The following RAB38 variants were observed in gnomAD, a reference collection of about 807,000 sequenced individuals.
RAB38 encodes ras-related protein Rab-38.
RAB38 carries 15 observed loss-of-function variants against 18.4 expected under a neutral mutation model. That is an observed-to-expected ratio of 0.82 (90% confidence interval 0.55 to 1.26). The LOEUF is 1.26. Among genes scored for constraint, RAB38 ranks in the 50% most tolerant of loss-of-function variants. The probability of loss-of-function intolerance (pLI) is 0.00; values close to 1 mark genes in which losing one functional copy is unlikely to be tolerated. For synonymous variants in RAB38, 101 were observed against 104.4 expected (o/e 0.97, Z 0.20); for missense variants, 294 against 267.4 (o/e 1.10, Z -0.69).
the RAB38 span, among the ~76,000 whole-genome samples, chr11:88,027,544 T>G: frequency 6.6e-6 from 1 of 152,172 alleles, no homozygotes; most frequent in Non-Finnish European, 1.5e-5. Context: ...CTGACGGCCT[T>G]AAAAAACGGC....
intron 2 of RAB38, among the ~76,000 whole-genome samples, chr11:88,126,857 G>A (rs1471815968): frequency 6.6e-6 from 1 of 152,200 alleles, no homozygotes; most frequent in Middle Eastern, 3.2e-3. Context: ...TTGAGGATGT[G>A]TATAAAGTGA....
chr11:88,035,644 A>T, the RAB38 span, among the ~76,000 whole-genome samples: 1 of 152,224 alleles, frequency 6.6e-6, no homozygotes, highest in Non-Finnish European at 1.5e-5. Flanking sequence ...TCTAAGTGAC[A>T]TTAGACATTT....
the RAB38 span, among the ~76,000 whole-genome samples, chr11:87,960,858 T>C: frequency 6.6e-6 from 1 of 152,200 alleles, no homozygotes; most frequent in Non-Finnish European, 1.5e-5. Context: ...TGCCCATTTG[T>C]AGCATAGTAA....
chr11:87,890,634 C>T, the RAB38 span, among the ~76,000 whole-genome samples: 1 of 151,920 alleles, frequency 6.6e-6, no homozygotes, highest in Admixed American at 6.6e-5. Context: ...CCATAACTGA[C>T]TTCAAACAGG....
chr11:87,858,993 A>G, the RAB38 span, among the ~76,000 whole-genome samples: 1 of 151,810 alleles, frequency 6.6e-6, no homozygotes, highest in Admixed American at 6.6e-5. Context: ...CAACAGACTT[A>G]GAATAAATAA....
chr11:88,155,704 G>C (rs1259107300), intron 1 of RAB38, among the ~76,000 whole-genome samples: 1 of 152,132 alleles, frequency 6.6e-6, no homozygotes, highest in Admixed American at 6.6e-5. Context: ...TAGAAACTCA[G>C]AAGTGACAGA....
At chr11:88,174,512 A>T (rs1943352017) in intron 1 of RAB38, among the ~76,000 whole-genome samples, 1 of 151,738 alleles carries the variant, frequency 6.6e-6, no homozygotes, top group Non-Finnish European at 1.5e-5. Context: ...CCTCCTTTTC[A>T]TAGAAGACAG....
chr11:88,139,054 G>A (rs1335850644), intron 2 of RAB38, among the ~76,000 whole-genome samples: 1 of 152,114 alleles, frequency 6.6e-6, no homozygotes, highest in African/African-American at 2.4e-5. Flanking sequence ...AAAGTGCTGG[G>A]ATAACAGGTG....
the RAB38 span, among the ~76,000 whole-genome samples, chr11:88,072,143 C>A: frequency 1.3e-5 from 2 of 152,074 alleles, no homozygotes; most frequent in African/African-American, 4.8e-5. Flanking sequence ...GCTGGAAATA[C>A]CAGACAGTGA....
the RAB38 span, among the ~76,000 whole-genome samples, chr11:88,011,778 G>A: frequency 7.2e-5 from 11 of 152,222 alleles, no homozygotes; most frequent in Admixed American, 2.6e-4. Context: ...GAAAATTAAG[G>A]TTCAGTGGGG....
chr11:87,904,203 A>G, the RAB38 span, among the ~76,000 whole-genome samples: 68 of 151,780 alleles, frequency 4.5e-4, no homozygotes, highest in Admixed American at 2.2e-3. Flanking sequence ...TCACCCAGTC[A>G]CTAAGCATAG....
At chr11:87,846,927 T>C in the RAB38 span, among the ~76,000 whole-genome samples, 1 of 152,044 alleles carries the variant, frequency 6.6e-6, no homozygotes, top group African/African-American at 2.4e-5. Context: ...CATAAATAAT[T>C]CATGGGTCAA....
chr11:87,930,669 G>C, the RAB38 span, among the ~76,000 whole-genome samples: 2 of 152,086 alleles, frequency 1.3e-5, no homozygotes, highest in Non-Finnish European at 2.9e-5. Flanking sequence ...GTATTGCCTA[G>C]GTTTTCTTCT....
At chr11:88,082,797 CT>C in the RAB38 span, among the ~76,000 whole-genome samples, 1 of 151,838 alleles carries the variant, frequency 6.6e-6, no homozygotes, top group East Asian at 1.9e-4. Context: ...TGCTTCTTTC[CT>C]TATCCTCTCC....
rs551001452 is a variant in RAB38 at position 88,115,713 on chromosome 11, T to C, written c.484-1573A>G. 5 of 152,308 alleles carry C rather than the reference T, an allele frequency of 3.3e-5. No homozygotes were observed. In the East Asian group the frequency reaches 9.6e-4, roughly 29 times the overall value. 9.4% of individuals were successfully genotyped at this position (152,308 alleles called of 1,614,324 possible). ...GTCTTCCTTTCTCTAAGCCTCCCTT[T>C]CCCCAGCTATAAAATGGTCTTGATG... On this transcript the variant is annotated intron_variant, in intron 2 of 2. Transcript: ENST00000243662.
the RAB38 span, among the ~76,000 whole-genome samples, chr11:88,027,664 T>TG: frequency 2.3e-5 from 3 of 131,382 alleles, no homozygotes; most frequent in Non-Finnish European, 4.7e-5. Flanking sequence ...GCAGCGAGGC[T>TG]GGGGGAGGGG....
intron 2 of RAB38, among the ~76,000 whole-genome samples, chr11:88,117,134 A>G (rs1218048687): frequency 1.3e-5 from 2 of 152,330 alleles, no homozygotes; most frequent in South Asian, 2.1e-4. Flanking sequence ...AGAGCCAAGG[A>G]ATGACTGCTT....
At chr11:88,086,835 G>T in the RAB38 span, among the ~76,000 whole-genome samples, 1 of 151,804 alleles carries the variant, frequency 6.6e-6, no homozygotes, top group Non-Finnish European at 1.5e-5. Flanking sequence ...ATTTCTAGCG[G>T]ACTATTCTGG....
the RAB38 span, among the ~76,000 whole-genome samples, chr11:87,908,662 G>T: frequency 6.6e-6 from 1 of 151,816 alleles, no homozygotes; most frequent in African/African-American, 2.4e-5. Context: ...TTTTTTTTAA[G>T]AATCAAAGGT....
Sources: allele counts gnomAD v4.1 joint callset (sites outside exome capture counted in the v4.1 genomes callset), GRCh38; gene constraint gnomAD v4.1.1; transcripts MANE v1.5; gene names NCBI Gene and HGNC (gene_info 2026-07-23, HGNC 2026-07-21).